Variants in MARK4 observed in about 807,000 individuals in gnomAD.
MARK4 encodes MAP/microtubule affinity-regulating kinase 4.
MARK4 carries 19 observed loss-of-function variants against 81.5 expected under a neutral mutation model. The observed-to-expected ratio is 0.23, with a 90% CI of 0.16 to 0.34. The LOEUF is 0.34. Among genes scored for constraint, MARK4 ranks in the 10% least tolerant of loss-of-function variants. The pLI is 1.00. For missense variants in MARK4, 772 were observed against 1,058.8 expected (o/e 0.73, Z 3.76); for synonymous variants, 436 against 439.0 (o/e 0.99, Z 0.08).
chr19:45,251,745 C>T (rs1317090769), intron 1 of MARK4, 106 bp downstream of exon 1: 4 of 1,074,546 alleles, frequency 3.7e-6, no homozygotes, highest in South Asian at 1.6e-5. Context: ...GTTTCCTGGG[C>T]CCGACCCGGC....
intron 13 of MARK4, chr19:45,288,665 A>G (rs915747552): frequency 1.3e-5 from 2 of 151,334 alleles, no homozygotes; most frequent in African/African-American, 4.9e-5. Flanking sequence ...CGTGGCTAAC[A>G]CAGTGAAACC....
intron 9 of MARK4, 27 bp from the exon 10 acceptor site, chr19:45,278,489 C>G: frequency 1.3e-6 from 2 of 1,598,664 alleles, no homozygotes; most frequent in Non-Finnish European, 1.7e-6. Context: ...ACCTGTCTTC[C>G]CCCTTCCCTG....
Position 45,255,704 on chromosome 19 carries a change from C to T in MARK4, c.52-3285C>T, listed in dbSNP as rs113871800. Among the ~76,000 whole-genome samples the T allele has an allele frequency of 5.3e-3, 803 of 152,146 alleles. 15 individuals are homozygous for T. Among genetic ancestry groups the T allele is most frequent in the African/African-American group, 0.018 (745 of 41,496 alleles). On this transcript the variant is annotated intron_variant, in intron 1 of 16. Coordinates refer to ENST00000262891, the MANE Select transcript of MARK4 (RefSeq NM_001199867.2). ...GCATCAATGACCAGCATTAATTAAACGTTAGTTGTCGTTGCTATCAAGTGG... is the reference window on the plus strand; with the variant it reads ...GCATCAATGACCAGCATTAATTAAATGTTAGTTGTCGTTGCTATCAAGTGG...
chr19:45,286,087 C>T (rs965685189), intron 12 of MARK4, among the ~76,000 whole-genome samples: 3 of 152,078 alleles, frequency 2.0e-5, no homozygotes, highest in Non-Finnish European at 2.9e-5. Flanking sequence ...GACGGAGTCT[C>T]GCACTGTTGC....
intron 8 of MARK4, among the ~76,000 whole-genome samples, chr19:45,276,500 G>A (rs1248839662): frequency 2.0e-5 from 3 of 152,194 alleles, no homozygotes; most frequent in Admixed American, 2.0e-4. Context: ...AGCAGGCATG[G>A]CTGGGGGAGG....
intron 8 of MARK4, among the ~76,000 whole-genome samples, chr19:45,277,677 T>G (rs1417087680): frequency 6.6e-6 from 1 of 152,066 alleles, no homozygotes; most frequent in Non-Finnish European, 1.5e-5. Flanking sequence ...CAAGAATTTT[T>G]TTTTTTAAAT....
intron 13 of MARK4, 197 bp downstream of exon 13, chr19:45,287,861 G>T (rs559322505): frequency 1.5e-6 from 1 of 656,752 alleles, no homozygotes; most frequent in Non-Finnish European, 2.7e-6. Context: ...TGATGTTAGC[G>T]TATAAATTAG....
chr19:45,262,190 GGTGGCATGTGCCT>G (rs1970389332), intron 2 of MARK4, among the ~76,000 whole-genome samples: 1 of 152,202 alleles, frequency 6.6e-6, no homozygotes, highest in South Asian at 2.1e-4. Context: ...GCCAAATGTT[GGTGGCATGTGCCT>G]GTGGTCCCAG....
intron 1 of MARK4, among the ~76,000 whole-genome samples, chr19:45,254,784 C>G (rs764117622): frequency 4.6e-5 from 7 of 152,232 alleles, no homozygotes; most frequent in Non-Finnish European, 8.8e-5. Context: ...ATGGCACCTT[C>G]CCTCTCCAAG....
At chr19:45,254,380 C>G (rs1222104109) in intron 1 of MARK4, among the ~76,000 whole-genome samples, 1 of 152,188 alleles carries the variant, frequency 6.6e-6, no homozygotes, top group Non-Finnish European at 1.5e-5. Flanking sequence ...CTGGCGCCAC[C>G]TGACAGGGCT....
chr19:45,290,476 G>A (rs1451060562), intron 13 of MARK4, among the ~76,000 whole-genome samples: 2 of 152,250 alleles, frequency 1.3e-5, no homozygotes, highest in Non-Finnish European at 2.9e-5. Context: ...GCTGTGGCCA[G>A]CATTAACCAG....
chr19:45,302,485 C>T lies in MARK4; in HGVS notation c.2034C>T (p.Arg678=). 1 of 1,610,726 alleles carries T rather than the reference C, an allele frequency of 6.2e-7. No homozygotes were observed. The highest frequency in any genetic ancestry group is 8.5e-7 in the Non-Finnish European group (1 of 1,179,716). ...RPPEALMAAL[R]QATAAARCRC... is the part of the protein sequence containing the mutation. ...CTGAGGCCCTGATGGCAGCTCTGCG[C>T]CAGGCCACAGCAGCCGCCCGCTGCC... The change falls in exon 17 of 17, where the codon CGC becomes CGT. Residue 678 remains arginine, a synonymous_variant. Coordinates refer to ENST00000262891, the MANE Select transcript of MARK4 (RefSeq NM_001199867.2). This position sits in a 1 kb window ranked among gnomAD's most constrained non-coding sequence, Gnocchi z 4.9.
intron 10 of MARK4, among the ~76,000 whole-genome samples, chr19:45,278,972 A>G (rs762449201): frequency 1.3e-5 from 2 of 152,180 alleles, no homozygotes; most frequent in African/African-American, 2.4e-5. Flanking sequence ...TAATCCCAGC[A>G]CTTTGGGAGG....
chr19:45,263,211 A>G, intron 3 of MARK4, 45 bp downstream of exon 3: 1 of 1,613,030 alleles, frequency 6.2e-7, no homozygotes. Context: ...GGCTTCCGGC[A>G]CAGCCGGGTG....
At position 45,259,182 on chromosome 19, in the gene MARK4, G is replaced by C. The variant is rs766037732; in HGVS notation, c.245G>C (p.Gly82Ala). ...AAGCTGGCTCGGCACATCCTCACTG[G>C]TCGGGAGGTGAGTATGGGCACAGGG... ...KVKLARHILT[G>A]REVAIKIIDK... is the part of the protein sequence containing the mutation. Residue 82 changes from glycine to alanine, a missense_variant, in exon 2 of 17, where the codon GGT (glycine) becomes GCT (alanine). By Grantham distance (60) the Gly-to-Ala change is moderately conservative. Coordinates refer to ENST00000262891, the MANE Select transcript of MARK4 (RefSeq NM_001199867.2). The C allele has an allele frequency of 1.9e-6, 3 of 1,614,012 alleles. No individual in the cohort carries two copies. Among genetic ancestry groups the C allele is most frequent in the Non-Finnish European group, 2.5e-6 (3 of 1,180,008 alleles).
At chr19:45,285,745 A>G (rs1035081158) in intron 12 of MARK4, among the ~76,000 whole-genome samples, 4 of 151,670 alleles carry the variant, frequency 2.6e-5, no homozygotes, top group Non-Finnish European at 5.9e-5. Flanking sequence ...GGTATCTGTC[A>G]TTGTCATTGT....
chr19:45,275,401 C>CTTGA (rs1329314312), intron 8 of MARK4, among the ~76,000 whole-genome samples: 1 of 152,104 alleles, frequency 6.6e-6, no homozygotes, highest in Non-Finnish European at 1.5e-5. Flanking sequence ...GGGAGAATTG[C>CTTGA]TTGAGCCCAG....
intron 14 of MARK4, among the ~76,000 whole-genome samples, chr19:45,296,888 G>A (rs577144103): frequency 6.4e-4 from 98 of 152,146 alleles, no homozygotes; most frequent in Admixed American, 3.3e-3. Context: ...CATCTCTCCT[G>A]AAAATACATA....
chr19:45,284,751 G>A (rs1026576826), intron 12 of MARK4, among the ~76,000 whole-genome samples: 1 of 152,062 alleles, frequency 6.6e-6, no homozygotes, highest in African/African-American at 2.4e-5. Flanking sequence ...TCTCAAGTTC[G>A]ACACCAGCCT....
Sources: gnomAD v4.1 joint callset for allele counts (sites outside exome capture counted in the v4.1 genomes callset) on GRCh38, gnomAD v4.1.1 for gene constraint, Gnocchi (gnomAD v3.1) non-coding constraint, MANE v1.5 for transcripts, NCBI Gene and HGNC (gene_info 2026-07-23, HGNC 2026-07-21) for gene names.